The following PDZRN4 variants were observed in gnomAD, a reference collection of about 807,000 sequenced individuals.
PDZRN4 encodes PDZ domain containing ring finger 4.
In PDZRN4, 70 loss-of-function variants were observed where a neutral mutation model predicts 99.0. That is an observed-to-expected ratio of 0.71 (90% CI 0.58 to 0.86). The LOEUF is 0.86. Ranked by LOEUF, PDZRN4 falls within the 40% of genes least tolerant of loss-of-function variation. PDZRN4 has a pLI of 0.00. For missense variants in PDZRN4, 1,474 were observed against 1,331.2 expected (o/e 1.11, Z -1.67); for synonymous variants, 551 against 501.6 (o/e 1.10, Z -1.32).
chr12:41,275,668 AAAT>A (rs1336159252), intron 3 of PDZRN4, among the ~76,000 whole-genome samples: 7 of 151,168 alleles, frequency 4.6e-5, no homozygotes, highest in African/African-American at 1.5e-4. Context: ...TTTTTTAAAA[AAAT>A]AATCATTTCT....
At chr12:41,370,775 C>T (rs1234423614) in intron 3 of PDZRN4, among the ~76,000 whole-genome samples, 2 of 151,898 alleles carry the variant, frequency 1.3e-5, no homozygotes, top group East Asian at 3.9e-4. Context: ...CTTTAATTTC[C>T]TCATATCTAT....
chr12:41,552,512 G>T (rs1939075332), intron 5 of PDZRN4, 144 bp from the exon 6 acceptor site: 1 of 468,770 alleles, frequency 2.1e-6, no homozygotes, highest in East Asian at 3.6e-5. Flanking sequence ...AATAATATTG[G>T]TAAAAAAAAA....
chr12:41,322,518 T>C (rs1227008033), intron 3 of PDZRN4, among the ~76,000 whole-genome samples: 1 of 102,736 alleles, frequency 9.7e-6, no homozygotes, highest in African/African-American at 3.7e-5. Context: ...TGAGACAGAG[T>C]CTCACTCTGT....
intron 3 of PDZRN4, among the ~76,000 whole-genome samples, chr12:41,234,162 T>C (rs1951050160): frequency 6.6e-6 from 1 of 152,070 alleles, no homozygotes; most frequent in African/African-American, 2.4e-5. Flanking sequence ...CCCCAATTTA[T>C]AGAGCTACTA....
intron 3 of PDZRN4, among the ~76,000 whole-genome samples, chr12:41,308,592 A>G (rs1951586487): frequency 6.6e-6 from 1 of 152,218 alleles, no homozygotes; most frequent in Non-Finnish European, 1.5e-5. Flanking sequence ...AATAAATCTC[A>G]TATTGTCAAC....
At chr12:41,522,547 A>C (rs1938510059) in intron 5 of PDZRN4, among the ~76,000 whole-genome samples, 1 of 152,138 alleles carries the variant, frequency 6.6e-6, no homozygotes, top group African/African-American at 2.4e-5. Flanking sequence ...AATTAGTTTT[A>C]CTATCTGATT....
intron 3 of PDZRN4, among the ~76,000 whole-genome samples, chr12:41,479,337 T>C (rs1937637934): frequency 6.6e-6 from 1 of 152,198 alleles, no homozygotes. Context: ...GATCAGTGAA[T>C]ATAGTTATGA....
chr12:41,365,204 G>C (rs1180136490), intron 3 of PDZRN4, among the ~76,000 whole-genome samples: 2 of 152,034 alleles, frequency 1.3e-5, no homozygotes, highest in Non-Finnish European at 2.9e-5. Flanking sequence ...TGGCTAAGAA[G>C]AGAAAAAATG....
intron 3 of PDZRN4, among the ~76,000 whole-genome samples, chr12:41,380,967 C>T (rs1435508095): frequency 1.3e-5 from 2 of 152,112 alleles, no homozygotes; most frequent in East Asian, 3.9e-4. Flanking sequence ...TCTCTGTCTT[C>T]ATGTCTATAG....
At chr12:41,340,576 T>C (rs11180837) in intron 3 of PDZRN4, among the ~76,000 whole-genome samples, 58,516 of 151,612 alleles carry the variant, frequency 0.39, 11,386 homozygotes, top group South Asian at 0.42. Flanking sequence ...TTTAAATAAC[T>C]AGAGTATAAT....
intron 3 of PDZRN4, among the ~76,000 whole-genome samples, chr12:41,438,913 T>C: frequency 6.6e-6 from 1 of 152,206 alleles, no homozygotes; most frequent in Middle Eastern, 3.2e-3. Flanking sequence ...CATTTGTTCT[T>C]AGACAAGATT....
intron 3 of PDZRN4, among the ~76,000 whole-genome samples, chr12:41,244,894 G>C (rs981763999): frequency 5.0e-5 from 7 of 141,224 alleles, no homozygotes; most frequent in African/African-American, 1.3e-4. Flanking sequence ...GTTTCACCTT[G>C]TTAGCCAGGA....
Position 41,453,223 on chromosome 12 carries a change from G to C in PDZRN4, c.844-53233G>C, listed in dbSNP as rs78766272. Among the ~76,000 whole-genome samples, 1,248 of 152,188 alleles carry C rather than the reference G, an allele frequency of 8.2e-3. 43 individuals are homozygous for C. The East Asian group carries it at 0.12, about 15-fold the overall frequency. ...CCGCCCCTGGGGGAGTGAATCCCTC[G>C]ATCCTGAAGATGGGATCTCAGTCTT... On this transcript the variant is annotated intron_variant, in intron 3 of 9. Transcript: ENST00000402685.
At chr12:41,372,925 G>C (rs1952052824) in intron 3 of PDZRN4, among the ~76,000 whole-genome samples, 1 of 152,154 alleles carries the variant, frequency 6.6e-6, no homozygotes, top group Non-Finnish European at 1.5e-5. Context: ...ATTTCACGTA[G>C]TTTGTCTTCT....
intron 3 of PDZRN4, among the ~76,000 whole-genome samples, chr12:41,240,746 G>A (rs1273617650): frequency 1.3e-5 from 2 of 152,174 alleles, no homozygotes; most frequent in African/African-American, 4.8e-5. Context: ...TCACATGGTG[G>A]ACGGGGCCAG....
At chr12:41,256,550 C>T (rs541024459) in intron 3 of PDZRN4, among the ~76,000 whole-genome samples, 21 of 152,136 alleles carry the variant, frequency 1.4e-4, no homozygotes, top group Admixed American at 1.3e-4. Flanking sequence ...ATCCTCTTGA[C>T]GTAAGGCAAA....
intron 3 of PDZRN4, among the ~76,000 whole-genome samples, chr12:41,329,031 C>T (rs896192907): frequency 2.6e-5 from 4 of 152,078 alleles, no homozygotes; most frequent in Admixed American, 2.0e-4. Context: ...AGGTGATTGT[C>T]TTCTCTTTAG....
chr12:41,551,238 T>C (rs990180076), intron 5 of PDZRN4, among the ~76,000 whole-genome samples: 5 of 152,066 alleles, frequency 3.3e-5, no homozygotes, highest in Non-Finnish European at 7.4e-5. Context: ...AAGATAGCTC[T>C]CTGGGGCCTC....
intron 3 of PDZRN4, among the ~76,000 whole-genome samples, chr12:41,426,534 C>T (rs1952538456): frequency 6.6e-6 from 1 of 152,146 alleles, no homozygotes; most frequent in Non-Finnish European, 1.5e-5. Context: ...AGAATCAAAC[C>T]TATTTGTATT....
Sources: gnomAD v4.1 joint callset for allele counts (sites outside exome capture counted in the v4.1 genomes callset) on GRCh38, gnomAD v4.1.1 for gene constraint, MANE v1.5 for transcripts, NCBI Gene and HGNC (gene_info 2026-07-23, HGNC 2026-07-21) for gene names.